Variants in CTNNA2 observed in about 807,000 individuals in gnomAD.
CTNNA2 encodes the protein catenin alpha 2.
A neutral mutation model predicts 101.0 loss-of-function variants in CTNNA2; 42 were observed. The ratio of observed to expected loss-of-function variants is 0.42; its 90% CI spans 0.32 to 0.54. The LOEUF (loss-of-function observed/expected upper bound fraction) is 0.54, where lower values mean the gene tolerates loss of function less well. Ranked by LOEUF, CTNNA2 falls within the 20% of genes least tolerant of loss-of-function variation. CTNNA2 has a pLI of 0.14. For missense variants in CTNNA2, 871 were observed against 1,223.1 expected (o/e 0.71, Z 4.29); for synonymous variants, 450 against 456.4 (o/e 0.99, Z 0.18).
At chr2:79,454,640 G>A (rs1055966569) in intron 4 of CTNNA2, among the ~76,000 whole-genome samples, 12 of 151,904 alleles carry the variant, frequency 7.9e-5, no homozygotes, top group Non-Finnish European at 1.6e-4. Context: ...CATTAACCAA[G>A]CTCAGATGAA....
In CTNNA2 at chr2:79,726,496, A is replaced by G. The variant is rs533028434; in HGVS notation, c.103-17891A>G. Among the ~76,000 whole-genome samples, 8 of 152,212 alleles carry G rather than the reference A, an allele frequency of 5.3e-5. No homozygotes were observed. The South Asian group carries it at 1.7e-3, about 32-fold the overall frequency. ...GCACGAACCCTATTGTGATTTGCAC[A>G]TGTGAAGGATCTAGGTTGCATGCTC... On this transcript the variant is annotated intron_variant, in intron 2 of 18. Coordinates refer to ENST00000402739, the MANE Select transcript of CTNNA2 (RefSeq NM_001282597.3).
chr2:80,314,033 T>C (rs1331938414), intron 7 of CTNNA2, among the ~76,000 whole-genome samples: 1 of 152,192 alleles, frequency 6.6e-6, no homozygotes, highest in Admixed American at 6.5e-5. Flanking sequence ...AAGCTCACAC[T>C]TGGAGCCAGG....
chr2:80,264,765 G>A (rs905348692), intron 7 of CTNNA2, among the ~76,000 whole-genome samples: 16 of 152,166 alleles, frequency 1.1e-4, no homozygotes, highest in African/African-American at 3.6e-4. Flanking sequence ...GATCGAGGTG[G>A]TGATACTGAT....
chr2:79,744,596 T>G lies in CTNNA2; in HGVS notation c.298+14T>G. 6.2e-7 allele frequency: 1 copy of G among 1,611,404 alleles called. No homozygotes were observed. Among genetic ancestry groups the G allele is most frequent in the Non-Finnish European group, 8.5e-7 (1 of 1,178,474 alleles). Reference sequence around the variant, plus strand: ...TGCGCAAACAAGGTAGGCAGAATGATATTATTGTTCAAGGCGGATCTATAC... The same window carrying G: ...TGCGCAAACAAGGTAGGCAGAATGAGATTATTGTTCAAGGCGGATCTATAC... On this transcript the variant is annotated intron_variant, in intron 3 of 18. Transcript: ENST00000402739.
At chr2:80,066,801 C>T (rs573967766) in intron 7 of CTNNA2, among the ~76,000 whole-genome samples, 1 of 152,142 alleles carries the variant, frequency 6.6e-6, no homozygotes, top group Non-Finnish European at 1.5e-5. Flanking sequence ...TTCATTGCAG[C>T]GTTATTCACA....
At chr2:80,528,235 G>A (rs147475726) in intron 9 of CTNNA2, among the ~76,000 whole-genome samples, 156 of 152,212 alleles carry the variant, frequency 1.0e-3, no homozygotes, top group Middle Eastern at 0.01. Context: ...TCGCTCAGTC[G>A]CCTAGGCTGG....
chr2:80,040,346 G>C lies in CTNNA2; in HGVS notation c.1056+130549G>C, dbSNP rs116024116. 2.7e-3 allele frequency among the ~76,000 whole-genome samples: 416 copies of C among 152,296 alleles called. 1 individual carries two copies. Among genetic ancestry groups the C allele is most frequent in the African/African-American group, 9.1e-3 (379 of 41,552 alleles). On this transcript the variant is annotated intron_variant, in intron 7 of 18. Transcript: ENST00000402739. ...CTCCCTCTGAAAAATACTGTGGGCA[G>C]ACTTGATTGATATTTGACAAATGAG...
At chr2:79,276,998 T>A (rs1278493733) in intron 2 of CTNNA2, among the ~76,000 whole-genome samples, 1 of 152,116 alleles carries the variant, frequency 6.6e-6, no homozygotes, top group African/African-American at 2.4e-5. Context: ...CTATTTTACA[T>A]GTCTAGAGTA....
intron 4 of CTNNA2, among the ~76,000 whole-genome samples, chr2:79,402,335 T>C (rs1036713720): frequency 2.0e-5 from 3 of 151,810 alleles, no homozygotes; most frequent in African/African-American, 7.2e-5. Context: ...ATGTAAAACA[T>C]TCTACCCAAA....
intron 9 of CTNNA2, among the ~76,000 whole-genome samples, chr2:80,446,348 C>T (rs1683068510): frequency 6.6e-6 from 1 of 152,108 alleles, no homozygotes; most frequent in African/African-American, 2.4e-5. Context: ...AACTCAGATA[C>T]CACACATAGA....
chr2:80,608,441 A>C (rs979968303), intron 17 of CTNNA2, 123 bp downstream of exon 17: 5 of 979,188 alleles, frequency 5.1e-6, no homozygotes, highest in Middle Eastern at 5.9e-4. Context: ...GGCTTTTTTT[A>C]AATAAATGTT....
At chr2:79,756,939 G>A (rs906349021) in intron 3 of CTNNA2, among the ~76,000 whole-genome samples, 1 of 152,172 alleles carries the variant, frequency 6.6e-6, no homozygotes, top group African/African-American at 2.4e-5. Context: ...GATATGTGGA[G>A]CAACAGGAGA....
At chr2:80,484,264 G>T (rs1383485563) in intron 9 of CTNNA2, among the ~76,000 whole-genome samples, 1 of 152,056 alleles carries the variant, frequency 6.6e-6, no homozygotes, top group East Asian at 1.9e-4. Context: ...TTTATAACAC[G>T]TACCTATGAT....
At chr2:79,708,115 G>C (rs953227334) in intron 2 of CTNNA2, among the ~76,000 whole-genome samples, 3 of 152,156 alleles carry the variant, frequency 2.0e-5, no homozygotes, top group Non-Finnish European at 4.4e-5. Flanking sequence ...CTGATTTTTA[G>C]TTAGATCAAG....
intron 4 of CTNNA2, among the ~76,000 whole-genome samples, chr2:79,472,522 C>A (rs1671011066): frequency 6.6e-6 from 1 of 152,196 alleles, no homozygotes; most frequent in Non-Finnish European, 1.5e-5. Flanking sequence ...CTGAATATTT[C>A]TATAATCCTA....
Position 79,246,420 on chromosome 2 carries a change from G to A in CTNNA2, c.-406+48344G>A, listed in dbSNP as rs151018226. Among the ~76,000 whole-genome samples the A allele has an allele frequency of 9.2e-5, 14 of 152,188 alleles. 1 individual carries two copies. Among genetic ancestry groups the A allele is most frequent in the South Asian group, 4.1e-4 (2 of 4,820 alleles). On this transcript the variant is annotated intron_variant, in intron 2 of 21. Transcript: ENST00000466387. Reference sequence around the variant, plus strand: ...TTTTGCAGCTGAGATTCTATGCCACGCATTTTCTGTATATGATAGGTTTAG... The same window carrying A: ...TTTTGCAGCTGAGATTCTATGCCACACATTTTCTGTATATGATAGGTTTAG...
intron 9 of CTNNA2, among the ~76,000 whole-genome samples, chr2:80,461,803 T>A (rs1684453026): frequency 6.6e-6 from 1 of 152,208 alleles, no homozygotes; most frequent in South Asian, 2.1e-4. Flanking sequence ...GTCGACTTTT[T>A]CCAGAAGTAT....
At chr2:79,862,326 G>C (rs1012598133) in intron 4 of CTNNA2, among the ~76,000 whole-genome samples, 1 of 152,058 alleles carries the variant, frequency 6.6e-6, no homozygotes, top group Non-Finnish European at 1.5e-5. Context: ...TCTAATGTGG[G>C]GGTGGGGGGC....
chr2:79,967,117 CGTGTGTGTGTGT>C (rs56007530), intron 7 of CTNNA2, among the ~76,000 whole-genome samples: 2 of 149,578 alleles, frequency 1.3e-5, no homozygotes, highest in Non-Finnish European at 3.0e-5. Context: ...CGCGCACGCA[CGTGTGTGTGTGT>C]GTGTGTGTGT....
Sources: allele counts gnomAD v4.1 joint callset (sites outside exome capture counted in the v4.1 genomes callset), GRCh38; gene constraint gnomAD v4.1.1; transcripts MANE v1.5; gene names NCBI Gene and HGNC (gene_info 2026-07-23, HGNC 2026-07-21).